FGGY: variants seen among roughly 807,000 people sequenced by gnomAD.
FGGY encodes the protein FGGY carbohydrate kinase domain-containing protein.
Under a neutral mutation model 71.3 loss-of-function variants are expected in FGGY, and 72 were observed. That is an observed-to-expected ratio of 1.01 (90% CI 0.84 to 1.23). The LOEUF is 1.23. Ranked by LOEUF, FGGY falls within the 50% of genes most tolerant of loss-of-function variation. The pLI is 0.00. For synonymous variants in FGGY, 251 were observed against 250.3 expected (o/e 1.00, Z -0.02); for missense variants, 668 against 682.3 (o/e 0.98, Z 0.23).
chr1:59,573,479 CAT>C (rs1028944594), intron 8 of FGGY, among the ~76,000 whole-genome samples: 40 of 151,838 alleles, frequency 2.6e-4, no homozygotes, highest in African/African-American at 9.2e-4. Flanking sequence ...TATATACACA[CAT>C]GTATGTTCAT....
chr1:59,660,018 T>C (rs552057966), intron 11 of FGGY, among the ~76,000 whole-genome samples: 2 of 152,348 alleles, frequency 1.3e-5, no homozygotes, highest in East Asian at 1.9e-4. Flanking sequence ...GTATTTTCTC[T>C]TGGGGAGGAA....
At chr1:59,740,595 T>C (rs1024454428) in intron 14 of FGGY, among the ~76,000 whole-genome samples, 3 of 152,272 alleles carry the variant, frequency 2.0e-5, no homozygotes, top group African/African-American at 7.2e-5. Flanking sequence ...TTCTATTGAT[T>C]ATTTATCAGT....
At chr1:59,756,709 G>A (rs1389816783) in intron 14 of FGGY, among the ~76,000 whole-genome samples, 3 of 152,090 alleles carry the variant, frequency 2.0e-5, no homozygotes, top group East Asian at 1.9e-4. Flanking sequence ...CTTACATTCC[G>A]GTTAGGGCAA....
chr1:59,370,233 C>G (rs1046650750), intron 4 of FGGY, among the ~76,000 whole-genome samples: 4 of 152,162 alleles, frequency 2.6e-5, no homozygotes, highest in Non-Finnish European at 4.4e-5. Context: ...GCTGATGGAG[C>G]TGAAAGCCAA....
chr1:59,506,821 T>G (rs780061106), intron 6 of FGGY, among the ~76,000 whole-genome samples: 9 of 150,684 alleles, frequency 6.0e-5, no homozygotes, highest in Non-Finnish European at 1.3e-4. Flanking sequence ...ACACAAGAAA[T>G]GTAGACCAAT....
chr1:59,424,003 T>C (rs1161546878), intron 5 of FGGY, among the ~76,000 whole-genome samples: 1 of 152,204 alleles, frequency 6.6e-6, no homozygotes, highest in African/African-American at 2.4e-5. Flanking sequence ...TTTCAAATCA[T>C]TCACAGTACT....
chr1:59,699,459 G>A, intron 14 of FGGY: 1 of 948,054 alleles, frequency 1.1e-6, no homozygotes, highest in Non-Finnish European at 1.3e-6. Context: ...CATTGCATGG[G>A]CTGCTAAAAT....
intron 1 of FGGY, among the ~76,000 whole-genome samples, chr1:59,302,433 G>A (rs979745562): frequency 5.3e-5 from 8 of 152,092 alleles, no homozygotes; most frequent in Non-Finnish European, 8.8e-5. Flanking sequence ...TGGTAGATTG[G>A]ATAAAGAAAA....
At chr1:59,530,800 A>G (rs1350039044) in intron 7 of FGGY, among the ~76,000 whole-genome samples, 1 of 152,170 alleles carries the variant, frequency 6.6e-6, no homozygotes, top group Non-Finnish European at 1.5e-5. Context: ...GAAGTGTGAG[A>G]GATATATGTG....
At chr1:59,482,570 ATGTG>A (rs5774470) in intron 6 of FGGY, among the ~76,000 whole-genome samples, 23 of 148,042 alleles carry the variant, frequency 1.6e-4, no homozygotes, top group East Asian at 9.9e-4. Context: ...GTGTATATAT[ATGTG>A]TGTGTGTGTG....
In FGGY at chr1:59,680,236, T is replaced by G. The variant is rs565675468; in HGVS notation, c.1512+6103T>G. Among the ~76,000 whole-genome samples the G allele has an allele frequency of 3.9e-5, 6 of 152,250 alleles. No individual in the cohort carries two copies. In the East Asian group the frequency reaches 1.2e-3, roughly 29 times the overall value. On this transcript the variant is annotated intron_variant, in intron 14 of 15. Coordinates refer to ENST00000303721, the MANE Select transcript of FGGY (RefSeq NM_018291.5). ...TGCCCTTTGCTGCTTAAGCATGTGT[T>G]TCTGGATGAGATTCTGATTCCTAAT...
At chr1:59,712,632 A>G (rs1222218937) in intron 14 of FGGY, among the ~76,000 whole-genome samples, 1 of 152,206 alleles carries the variant, frequency 6.6e-6, no homozygotes, top group African/African-American at 2.4e-5. Context: ...TGGCAGGTTC[A>G]GCACTACATG....
At chr1:59,587,197 A>C (rs1161762853) in intron 8 of FGGY, among the ~76,000 whole-genome samples, 1 of 152,178 alleles carries the variant, frequency 6.6e-6, no homozygotes, top group Non-Finnish European at 1.5e-5. Flanking sequence ...GATTGCTAGC[A>C]CAGCAGTCTG....
chr1:59,638,181 C>G, intron 10 of FGGY, 47 bp from the exon 11 acceptor site: 1 of 1,586,450 alleles, frequency 6.3e-7, no homozygotes, highest in South Asian at 1.1e-5. Context: ...ATGATTTGCT[C>G]CCTGACCCTA....
chr1:59,623,702 CA>C (rs1407537138), intron 9 of FGGY, among the ~76,000 whole-genome samples: 1 of 152,158 alleles, frequency 6.6e-6, no homozygotes, highest in East Asian at 1.9e-4. Context: ...GCTGAAGCTT[CA>C]CCTACTCCAA....
chr1:59,442,719 G>A (rs572264323), intron 5 of FGGY, among the ~76,000 whole-genome samples: 2 of 152,170 alleles, frequency 1.3e-5, no homozygotes, highest in South Asian at 4.1e-4. Context: ...TCTGAGAAGA[G>A]CATCACCATG....
At chr1:59,641,714 G>A (rs2097029516) in intron 11 of FGGY, among the ~76,000 whole-genome samples, 1 of 152,142 alleles carries the variant, frequency 6.6e-6, no homozygotes. Context: ...GCAGGCCTTA[G>A]GAATTAGGAT....
At chr1:59,570,474 A>G (rs1253994352) in intron 8 of FGGY, among the ~76,000 whole-genome samples, 1 of 152,216 alleles carries the variant, frequency 6.6e-6, no homozygotes, top group Admixed American at 6.5e-5. Flanking sequence ...CAAATAAAAT[A>G]TCTCTTGGTA....
intron 10 of FGGY, among the ~76,000 whole-genome samples, chr1:59,627,234 A>G (rs1222027032): frequency 1.3e-5 from 2 of 151,974 alleles, no homozygotes; most frequent in Non-Finnish European, 2.9e-5. Context: ...TATATGCCAT[A>G]TGGCTAAAGA....
Sources: gnomAD v4.1 joint callset for allele counts (sites outside exome capture counted in the v4.1 genomes callset) on GRCh38, gnomAD v4.1.1 for gene constraint, MANE v1.5 for transcripts, NCBI Gene and HGNC (gene_info 2026-07-23, HGNC 2026-07-21) for gene names.